Variants in DNAH14 observed in about 807,000 individuals in gnomAD.
DNAH14 encodes dynein axonemal heavy chain 14, also known as axonemal beta dynein heavy chain 14.
Under a neutral mutation model 520.9 loss-of-function variants are expected in DNAH14, and 478 were observed. The observed-to-expected ratio is 0.92, with a 90% CI of 0.85 to 0.99. DNAH14 has a LOEUF of 0.99. Ranked by LOEUF, DNAH14 falls within the 50% of genes least tolerant of loss-of-function variation. The pLI, the probability that DNAH14 is intolerant of heterozygous loss-of-function variation, is 0.00. For synonymous variants in DNAH14, 1,581 were observed against 1,757.2 expected, an observed-to-expected ratio of 0.90 and a Z score of 2.51; for missense variants, 4,831 against 5,234.5, an observed-to-expected ratio of 0.92 and a Z score of 2.38.
rs2095483308 is a variant in DNAH14 at position 225,360,710 on chromosome 1, T to C, written c.11806T>C (p.Phe3936Leu). 6.4e-7 allele frequency: 1 copy of C among 1,551,718 alleles called. No individual in the cohort carries two copies. Among genetic ancestry groups the C allele is most frequent in the Non-Finnish European group, 8.7e-7 (1 of 1,146,984 alleles). Residue 3936 changes from phenylalanine (F) to leucine (L), a missense_variant, in exon 75 of 86, where the codon TTT becomes CTT. Coordinates refer to ENST00000682510, the MANE Select transcript of DNAH14 (RefSeq NM_001367479.1). The stretch of plus-strand genomic sequence containing the variant: ...CGACCTTACCAATATCCTCCTGAGA[T>C]TTGCACAAGAGTTAAAAGGAACAAC... ...GIDLTNILLR[F>L]AQELKGTTHH...
At chr1:225,186,535 A>G (rs1259798315) in intron 37 of DNAH14, among the ~76,000 whole-genome samples, 1 of 151,868 alleles carries the variant, frequency 6.6e-6, no homozygotes, top group African/African-American at 2.4e-5. Context: ...AGTACATATA[A>G]TTGTGAGAAA....
Position 225,221,238 on chromosome 1 carries a change from T to C in DNAH14, c.6440-9835T>C, listed in dbSNP as rs1247978965. Among the ~76,000 whole-genome samples, 4 of 152,134 alleles carry C rather than the reference T, an allele frequency of 2.6e-5. No individual in the cohort carries two copies. In the East Asian group the frequency reaches 5.8e-4, roughly 22 times the overall value. On this transcript the variant is annotated intron_variant, in intron 41 of 85. Coordinates refer to ENST00000682510, the MANE Select transcript of DNAH14 (RefSeq NM_001367479.1). ...AACCTAAGCAATACCATTCAGGACA[T>C]AGGCATGGGCAAAGACTTCACAACT...
At chr1:224,950,530 T>C (rs1233643606) in intron 1 of DNAH14, among the ~76,000 whole-genome samples, 1 of 152,242 alleles carries the variant, frequency 6.6e-6, no homozygotes, top group Non-Finnish European at 1.5e-5. Context: ...AAGTAGCTCA[T>C]TTAATTTTTT....
In DNAH14 at chr1:225,096,913, T is replaced by G. The variant is rs112759290; in HGVS notation, c.3574-205T>G. 3.9e-3 allele frequency among the ~76,000 whole-genome samples: 588 copies of G among 152,278 alleles called. 5 individuals are homozygous for G. The highest frequency in any genetic ancestry group is 0.013 in the African/African-American group (556 of 41,570). ...AGATTTGCATGTTGTATAATAAATA[T>G]GACAGAAAATGGATGAACAGGACAT... On this transcript the variant is annotated intron_variant, in intron 21 of 85. Coordinates refer to ENST00000682510, the MANE Select transcript of DNAH14 (RefSeq NM_001367479.1).
intron 36 of DNAH14, among the ~76,000 whole-genome samples, chr1:225,172,386 CCTT>C (rs1321375896): frequency 6.6e-6 from 1 of 152,112 alleles, no homozygotes; most frequent in Non-Finnish European, 1.5e-5. Context: ...CCCAAAATCT[CCTT>C]AAGCTGATAA....
At chr1:225,102,308 G>A (rs1423699244) in intron 23 of DNAH14, among the ~76,000 whole-genome samples, 754 of 150,388 alleles carry the variant, frequency 5.0e-3, no homozygotes, top group Non-Finnish European at 7.4e-3. Context: ...CATTTGGCTT[G>A]GTTCCAAGTC....
intron 38 of DNAH14, among the ~76,000 whole-genome samples, chr1:225,201,871 TC>T (rs1373105277): frequency 7.4e-6 from 1 of 134,706 alleles, no homozygotes; most frequent in Non-Finnish European, 1.5e-5. Context: ...CTTTCTTTCT[TC>T]CTTTTTTTTT....
At chr1:224,950,174 G>C (rs924523118) in intron 1 of DNAH14, among the ~76,000 whole-genome samples, 2 of 151,852 alleles carry the variant, frequency 1.3e-5, no homozygotes, top group African/African-American at 2.4e-5. Context: ...ATAAAATTTT[G>C]TTCTGTGTTC....
chr1:225,181,581 G>A (rs7521076), intron 36 of DNAH14, among the ~76,000 whole-genome samples: 48,628 of 152,028 alleles, frequency 0.32, 9,053 homozygotes, highest in East Asian at 0.61. Context: ...AATTAGTGAT[G>A]TGAGCATTTT....
At chr1:224,982,289 T>C (rs2062329546) in intron 8 of DNAH14, among the ~76,000 whole-genome samples, 1 of 152,200 alleles carries the variant, frequency 6.6e-6, no homozygotes, top group African/African-American at 2.4e-5. Flanking sequence ...CAAACCTCTC[T>C]TGGTGTGCAG....
intron 5 of DNAH14, among the ~76,000 whole-genome samples, chr1:224,966,768 C>T (rs1164487852): frequency 6.6e-6 from 1 of 152,140 alleles, no homozygotes; most frequent in African/African-American, 2.4e-5. Context: ...CTCCCTGCAG[C>T]CTCAAACTCT....
intron 35 of DNAH14, among the ~76,000 whole-genome samples, chr1:225,163,209 T>C (rs1476958580): frequency 3.3e-5 from 5 of 152,008 alleles, no homozygotes; most frequent in Admixed American, 2.0e-4. Flanking sequence ...GTTGCTTTTG[T>C]ATCCTGCAAC....
intron 75 of DNAH14, among the ~76,000 whole-genome samples, chr1:225,363,554 G>A (rs890462343): frequency 6.6e-6 from 1 of 152,100 alleles, no homozygotes; most frequent in Non-Finnish European, 1.5e-5. Context: ...ATCTATAATA[G>A]TTCCTCAGTC....
chr1:225,069,673 T>G (rs2148480552), intron 17 of DNAH14, among the ~76,000 whole-genome samples: 1 of 152,266 alleles, frequency 6.6e-6, no homozygotes, highest in East Asian at 1.9e-4. Context: ...AGTTTCCTTT[T>G]TTGGTTGTAT....
intron 16 of DNAH14, among the ~76,000 whole-genome samples, chr1:225,051,197 A>G (rs537260745): frequency 1.6e-4 from 24 of 152,330 alleles, no homozygotes; most frequent in Non-Finnish European, 2.6e-4. Flanking sequence ...TTTCCAGTAC[A>G]TGGCTCAAAA....
chr1:225,005,677 T>G (rs1197762620), intron 9 of DNAH14, among the ~76,000 whole-genome samples: 1 of 152,116 alleles, frequency 6.6e-6, no homozygotes. Context: ...GGAAGATACA[T>G]TTATTAATTT....
chr1:225,032,587 G>A (rs1192468041), intron 11 of DNAH14, among the ~76,000 whole-genome samples: 2 of 152,020 alleles, frequency 1.3e-5, no homozygotes, highest in Non-Finnish European at 2.9e-5. Context: ...ATCCCTTTGG[G>A]TATGTACTCA....
At chr1:224,975,461 G>C (rs1317949390) in intron 8 of DNAH14, among the ~76,000 whole-genome samples, 1 of 152,078 alleles carries the variant, frequency 6.6e-6, no homozygotes, top group Non-Finnish European at 1.5e-5. Flanking sequence ...TTGGGAGTGT[G>C]TATGTGTCGA....
At chr1:225,393,482 A>C (rs181344894) in intron 84 of DNAH14, among the ~76,000 whole-genome samples, 1 of 152,238 alleles carries the variant, frequency 6.6e-6, no homozygotes, top group Non-Finnish European at 1.5e-5. Flanking sequence ...ACATCTATAC[A>C]TAGAAATGCA....
Sources: gnomAD v4.1 joint callset for allele counts (sites outside exome capture counted in the v4.1 genomes callset) on GRCh38, gnomAD v4.1.1 for gene constraint, MANE v1.5 for transcripts, NCBI Gene and HGNC (gene_info 2026-07-23, HGNC 2026-07-21) for gene names.